CCDC171: variants seen among roughly 807,000 people sequenced by gnomAD.
CCDC171 encodes coiled-coil domain-containing protein 171.
In CCDC171, 177 loss-of-function variants were observed where a neutral mutation model predicts 168.2. The observed-to-expected ratio is 1.05, with a 90% CI of 0.93 to 1.19. The LOEUF is 1.19. Among genes scored for constraint, CCDC171 ranks in the 50% most tolerant of loss-of-function variants. The pLI is 0.00. For synonymous variants in CCDC171, 687 were observed against 540.8 expected (o/e 1.27, Z -3.75); for missense variants, 1,991 against 1,539.0 (o/e 1.29, Z -4.91).
At chr9:16,033,217 T>C (rs1833395331) in intron 6 of CCDC171, among the ~76,000 whole-genome samples, 1 of 152,182 alleles carries the variant, frequency 6.6e-6, no homozygotes, top group African/African-American at 2.4e-5. Flanking sequence ...ATTGCTGCTT[T>C]GTATGCGTTA....
Position 15,777,753 on chromosome 9 carries a change from G to A in CCDC171, c.2825G>A (p.Arg942Lys). The part of the protein sequence containing the change: ...TYVEKDSLVQ[R>K]LAHGLHKVNT... ...GTAGAAAAAGATTCCCTGGTTCAGA[G>A]GCTGGCCCATGGACTTCATAAAGTA... Residue 942 changes from arginine to lysine, a missense_variant, in exon 19 of 26, where the codon AGG becomes AAG. Physicochemically the swap from Arg to Lys is conservative, Grantham distance 26 (BLOSUM62 2). Coordinates refer to ENST00000380701, the MANE Select transcript of CCDC171 (RefSeq NM_173550.4). The A allele has an allele frequency of 6.2e-7, 1 of 1,614,074 alleles. No individual in the cohort carries two copies. The highest frequency in any genetic ancestry group is 8.5e-7 in the Non-Finnish European group (1 of 1,180,002).
intron 24 of CCDC171, among the ~76,000 whole-genome samples, chr9:15,901,109 A>G (rs1443349809): frequency 6.6e-6 from 1 of 152,222 alleles, no homozygotes; most frequent in Non-Finnish European, 1.5e-5. Context: ...TATGATTTTT[A>G]AAGGTTTTAA....
chr9:15,725,873 C>G (rs2053768759), intron 14 of CCDC171, among the ~76,000 whole-genome samples: 2 of 152,146 alleles, frequency 1.3e-5, no homozygotes, highest in Admixed American at 6.5e-5. Context: ...TAAAACTTTT[C>G]ATTTAGAAAC....
chr9:15,903,245 C>T (rs1821979076), intron 24 of CCDC171, among the ~76,000 whole-genome samples: 1 of 152,298 alleles, frequency 6.6e-6, no homozygotes, highest in African/African-American at 2.4e-5. Flanking sequence ...CAAGTGGGTC[C>T]CTGACCCCCG....
At chr9:15,910,610 A>G (rs186617657) in intron 24 of CCDC171, among the ~76,000 whole-genome samples, 4 of 152,198 alleles carry the variant, frequency 2.6e-5, no homozygotes, top group East Asian at 1.9e-4. Context: ...GGTTTGTTAC[A>G]TAGGTATACC....
intron 23 of CCDC171, among the ~76,000 whole-genome samples, chr9:15,860,336 G>T (rs1170473869): frequency 1.3e-5 from 2 of 150,408 alleles, no homozygotes; most frequent in African/African-American, 2.5e-5. Context: ...CTTCTCGTTC[G>T]TTGAGGTGCC....
At chr9:16,103,985 C>G in the CCDC171 span, among the ~76,000 whole-genome samples, 3 of 152,336 alleles carry the variant, frequency 2.0e-5, no homozygotes, top group Middle Eastern at 0.01. Context: ...TTCAAGATGC[C>G]GGCTGGTGGG....
chr9:15,954,430 G>C (rs1829559356), intron 25 of CCDC171, among the ~76,000 whole-genome samples: 1 of 151,554 alleles, frequency 6.6e-6, no homozygotes, highest in African/African-American at 2.4e-5. Context: ...TTTCTTCTTT[G>C]GACCATTGGT....
chr9:15,638,939 G>A (rs1451100751), intron 7 of CCDC171, among the ~76,000 whole-genome samples: 4 of 152,016 alleles, frequency 2.6e-5, no homozygotes, highest in Non-Finnish European at 4.4e-5. Flanking sequence ...AGAGAAAAGA[G>A]AAGATGCAAA....
At chr9:15,563,385 G>T (rs1467877426) in intron 1 of CCDC171, among the ~76,000 whole-genome samples, 1 of 152,030 alleles carries the variant, frequency 6.6e-6, no homozygotes, top group African/African-American at 2.4e-5. Flanking sequence ...TGATCTGCCT[G>T]CCTCTGCCTC....
chr9:15,953,461 G>A (rs1368690963), intron 25 of CCDC171, among the ~76,000 whole-genome samples: 1 of 152,070 alleles, frequency 6.6e-6, no homozygotes, highest in Non-Finnish European at 1.5e-5. Context: ...CCTTCATTCT[G>A]TTACTGTGGT....
chr9:15,598,482 G>C (rs1564016538), intron 6 of CCDC171, among the ~76,000 whole-genome samples: 4 of 152,244 alleles, frequency 2.6e-5, no homozygotes, highest in Admixed American at 6.5e-5. Context: ...TTAATCCTGA[G>C]TTCTAGTTTG....
chr9:15,728,366 C>T (rs2134302196), intron 15 of CCDC171, among the ~76,000 whole-genome samples: 1 of 152,230 alleles, frequency 6.6e-6, no homozygotes, highest in Middle Eastern at 3.4e-3. Context: ...TAGTCATTTA[C>T]ATTAATAAAC....
At chr9:15,969,780 G>A (rs1278125551) in intron 25 of CCDC171, among the ~76,000 whole-genome samples, 4 of 152,098 alleles carry the variant, frequency 2.6e-5, no homozygotes, top group Admixed American at 2.0e-4. Flanking sequence ...GTTAGTAGAT[G>A]GCACTGTAAT....
chr9:15,944,634 C>T (rs1028487919), intron 25 of CCDC171, among the ~76,000 whole-genome samples: 3 of 152,010 alleles, frequency 2.0e-5, no homozygotes, highest in Non-Finnish European at 2.9e-5. Flanking sequence ...TTCATAGTAG[C>T]TAGGCATGCG....
At chr9:16,050,097 G>T (rs1189946846) in intron 1 of CCDC171, among the ~76,000 whole-genome samples, 1 of 152,076 alleles carries the variant, frequency 6.6e-6, no homozygotes, top group Non-Finnish European at 1.5e-5. Flanking sequence ...ATGTTGGCCA[G>T]GCTGGTCTCG....
chr9:15,849,520 A>G (rs2061039482), intron 23 of CCDC171, among the ~76,000 whole-genome samples: 1 of 151,640 alleles, frequency 6.6e-6, no homozygotes, highest in African/African-American at 2.4e-5. Flanking sequence ...AGTGATGAAC[A>G]GCATAATAAA....
chr9:15,847,266 A>C (rs1338167651), intron 22 of CCDC171, among the ~76,000 whole-genome samples: 1 of 152,070 alleles, frequency 6.6e-6, no homozygotes, highest in Non-Finnish European at 1.5e-5. Flanking sequence ...TATTTCCATA[A>C]AGAAATGTTA....
At chr9:15,677,572 G>A (rs1441295696) in intron 9 of CCDC171, among the ~76,000 whole-genome samples, 1 of 151,844 alleles carries the variant, frequency 6.6e-6, no homozygotes, top group African/African-American at 2.4e-5. Flanking sequence ...ATTTAAAACA[G>A]TGACAACATT....
Sources: allele counts gnomAD v4.1 joint callset (sites outside exome capture counted in the v4.1 genomes callset), GRCh38; gene constraint gnomAD v4.1.1; transcripts MANE v1.5; gene names NCBI Gene and HGNC (gene_info 2026-07-23, HGNC 2026-07-21).